Variants in GRIA1 observed in about 807,000 individuals in gnomAD.
GRIA1 encodes the protein glutamate receptor 1.
GRIA1 carries 31 observed loss-of-function variants against 99.2 expected under a neutral mutation model. That is an observed-to-expected ratio of 0.31 (90% CI 0.23 to 0.42). The LOEUF is 0.42. Ranked by LOEUF, GRIA1 falls within the 10% of genes least tolerant of loss-of-function variation. The probability of loss-of-function intolerance (pLI) is 1.00; values close to 1 mark genes in which losing one functional copy is unlikely to be tolerated. For missense variants in GRIA1, 782 were observed against 1,157.5 expected, an observed-to-expected ratio of 0.68 and a Z score of 4.71; for synonymous variants, 438 against 432.4, an observed-to-expected ratio of 1.01 and a Z score of -0.16.
At position 153,652,994 on chromosome 5, in the gene GRIA1, A is replaced by C. The variant is rs1214658396; in HGVS notation, c.645+2480A>C. Among the ~76,000 whole-genome samples, 3 of 152,168 alleles carry C rather than the reference A, an allele frequency of 2.0e-5. 1 individual carries two copies. The highest frequency in any genetic ancestry group is 2.0e-4 in the Admixed American group (3 of 15,270). On this transcript the variant is annotated intron_variant, in intron 4 of 15. Coordinates refer to ENST00000285900, the MANE Select transcript of GRIA1 (RefSeq NM_000827.4). ...AATTTTCCACCTAATCTGAGGAAAA[A>C]AACAGTGACTCAAAATTCCAAATAG... is the stretch of plus-strand genomic sequence containing the variant.
Position 153,686,025 on chromosome 5 carries a change from T to G in GRIA1, c.1030-200T>G, listed in dbSNP as rs144263676. Among the ~76,000 whole-genome samples, 531 of 152,322 alleles carry G rather than the reference T, an allele frequency of 3.5e-3. 4 individuals carry two copies. Among genetic ancestry groups the G allele is most frequent in the African/African-American group, 0.012 (518 of 41,572 alleles). ...AAATAGGTAAAAACAATTGTCAGGA[T>G]GAATCCCAATTTAGGGAAAAGAGAT... is the stretch of plus-strand genomic sequence containing the variant. On this transcript the variant is annotated intron_variant, in intron 7 of 15. Transcript: ENST00000285900.
intron 12 of GRIA1, among the ~76,000 whole-genome samples, chr5:153,765,664 T>C (rs1763469586): frequency 6.6e-6 from 1 of 152,082 alleles, no homozygotes; most frequent in South Asian, 2.1e-4. Context: ...ACTTTAGGGA[T>C]GTTTATCCCA....
chr5:153,810,948 G>C, intron 15 of GRIA1, 77 bp from the exon 16 acceptor site: 1 of 992,068 alleles, frequency 1.0e-6, no homozygotes, highest in Non-Finnish European at 1.6e-6. Context: ...ATTTACATTT[G>C]AAGTCCAGTC....
rs141936903 is a variant in GRIA1 at position 153,491,368 on chromosome 5, G to A, written c.82+398G>A. 2.6e-3 allele frequency: 2,446 copies of A among 953,006 alleles called. 11 individuals are homozygous for A. Among genetic ancestry groups the A allele is most frequent in the Non-Finnish European group, 2.7e-3 (2,123 of 776,116 alleles). 59.0% of individuals were successfully genotyped at this position (953,006 alleles called of 1,614,324 possible). A position where few individuals can be genotyped will look rare whatever the true frequency, so the allele number is the denominator to read the frequency against. The stretch of plus-strand genomic sequence containing the variant: ...ATGGTGTGTGTGTTTTCACGTGTGT[G>A]ATTATATATTACATATGCACATATA... On this transcript the variant is annotated intron_variant, in intron 1 of 15. Coordinates refer to ENST00000285900, the MANE Select transcript of GRIA1 (RefSeq NM_000827.4).
At chr5:153,612,809 A>G (rs1467246391) in intron 2 of GRIA1, among the ~76,000 whole-genome samples, 1 of 152,168 alleles carries the variant, frequency 6.6e-6, no homozygotes, top group Non-Finnish European at 1.5e-5. Context: ...TACCCATATC[A>G]GCAGCAAGTT....
In GRIA1 at chr5:153,676,873, A is replaced by G. The variant is rs931208592; in HGVS notation, c.862-121A>G. The stretch of plus-strand genomic sequence containing the variant: ...CACCACTGTCTGCCCCACGTATACC[A>G]TGCATCTGGCCCACTGCACACCCTT... On this transcript the variant is annotated intron_variant, in intron 6 of 15. Coordinates refer to ENST00000285900, the MANE Select transcript of GRIA1 (RefSeq NM_000827.4). 9 of 645,766 alleles carry G rather than the reference A, an allele frequency of 1.4e-5. No homozygotes were observed. In the Admixed American group the frequency reaches 1.6e-4, roughly 12 times the overall value. 40.0% of individuals were successfully genotyped at this position (645,766 alleles called of 1,614,324 possible). A position where few individuals can be genotyped will look rare whatever the true frequency, so the allele number is the denominator to read the frequency against.
At chr5:153,766,573 G>GATGC (rs1352481562) in intron 12 of GRIA1, among the ~76,000 whole-genome samples, 1 of 152,140 alleles carries the variant, frequency 6.6e-6, no homozygotes, top group African/African-American at 2.4e-5. Flanking sequence ...AAATTCTTTT[G>GATGC]ATGCAAGTGT....
intron 8 of GRIA1, among the ~76,000 whole-genome samples, chr5:153,696,402 T>C (rs1182431383): frequency 6.6e-6 from 1 of 152,178 alleles, no homozygotes; most frequent in African/African-American, 2.4e-5. Flanking sequence ...AGAGAGATTG[T>C]CAGGGTTCCA....
chr5:153,545,270 T>C (rs970835830), intron 2 of GRIA1, among the ~76,000 whole-genome samples: 5 of 152,186 alleles, frequency 3.3e-5, no homozygotes, highest in African/African-American at 7.2e-5. Context: ...ACAGTTATGA[T>C]AGTTCAGTAT....
chr5:153,515,189 G>A (rs1486494850), intron 2 of GRIA1, among the ~76,000 whole-genome samples: 1 of 152,036 alleles, frequency 6.6e-6, no homozygotes, highest in Non-Finnish European at 1.5e-5. Flanking sequence ...GTTCATTGCA[G>A]CATTATTTAC....
intron 13 of GRIA1, among the ~76,000 whole-genome samples, chr5:153,791,558 T>G (rs1266397955): frequency 6.6e-6 from 1 of 152,106 alleles, no homozygotes; most frequent in Non-Finnish European, 1.5e-5. Flanking sequence ...AGCACAATGG[T>G]TATATGCATG....
intron 2 of GRIA1, among the ~76,000 whole-genome samples, chr5:153,579,955 T>C (rs1159622381): frequency 2.0e-5 from 3 of 152,154 alleles, no homozygotes; most frequent in Non-Finnish European, 4.4e-5. Flanking sequence ...TGGAGCATTT[T>C]CACACTTTAG....
At chr5:153,699,239 T>C (rs1048046505) in intron 10 of GRIA1, among the ~76,000 whole-genome samples, 166 bp downstream of exon 10, 2 of 152,204 alleles carry the variant, frequency 1.3e-5, no homozygotes, top group African/African-American at 4.8e-5. Context: ...CTTCAGACAC[T>C]CTTTGTTCAG....
intron 11 of GRIA1, among the ~76,000 whole-genome samples, chr5:153,746,104 G>A (rs2149582935): frequency 6.6e-6 from 1 of 152,310 alleles, no homozygotes; most frequent in Non-Finnish European, 1.5e-5. Flanking sequence ...GCAGGGGGCA[G>A]GGGTAGGAAG....
chr5:153,678,115 T>G (rs1026363691), intron 7 of GRIA1, among the ~76,000 whole-genome samples: 1 of 152,128 alleles, frequency 6.6e-6, no homozygotes, highest in African/African-American at 2.4e-5. Context: ...CCCCAACAAA[T>G]GGAGTTGCCT....
rs376875504 is a variant in GRIA1 at position 153,545,531 on chromosome 5, A to G, written c.220+51466A>G. On this transcript the variant is annotated intron_variant, in intron 2 of 15. Transcript: ENST00000285900. ...CGGCTTAAGGATATTTGCAAAGAAC[A>G]TACTGGAGGGAGAACATCAGACTTG... 2.6e-5 allele frequency among the ~76,000 whole-genome samples: 4 copies of G among 152,146 alleles called. No individual in the cohort carries two copies. The South Asian group carries it at 6.2e-4, about 24-fold the overall frequency.
intron 5 of GRIA1, among the ~76,000 whole-genome samples, chr5:153,669,820 T>G: frequency 6.6e-6 from 1 of 152,188 alleles, no homozygotes; most frequent in Non-Finnish European, 1.5e-5. Context: ...CAACTTTAAC[T>G]CCATATCTGA....
chr5:153,689,001 T>G (rs1757545685), intron 8 of GRIA1, among the ~76,000 whole-genome samples: 1 of 152,174 alleles, frequency 6.6e-6, no homozygotes, highest in Non-Finnish European at 1.5e-5. Context: ...ATTACAGGTA[T>G]GAGCCACCGC....
chr5:153,759,352 T>G (rs1763030315), intron 11 of GRIA1, among the ~76,000 whole-genome samples: 1 of 151,342 alleles, frequency 6.6e-6, no homozygotes, highest in African/African-American at 2.4e-5. Flanking sequence ...CTCAAATAAA[T>G]AAAATTATAA....
Sources: allele counts gnomAD v4.1 joint callset (sites outside exome capture counted in the v4.1 genomes callset), GRCh38; gene constraint gnomAD v4.1.1; transcripts MANE v1.5; gene names NCBI Gene and HGNC (gene_info 2026-07-23, HGNC 2026-07-21).